Variants in NEXMIF observed in about 807,000 individuals in gnomAD.
The protein encoded by NEXMIF is XLMR protein related to neurite extension.
Under a neutral mutation model 62.1 loss-of-function variants are expected in NEXMIF, and 8 were observed. That is an observed-to-expected ratio of 0.13 (90% CI 0.08 to 0.23). The LOEUF (loss-of-function observed/expected upper bound fraction) is 0.23. Ranked by LOEUF, NEXMIF falls within the 10% of genes least tolerant of loss-of-function variation. NEXMIF has a pLI of 1.00. For missense variants in NEXMIF, 976 were observed against 1,113.3 expected (o/e 0.88, Z 1.75); for synonymous variants, 404 against 416.6 (o/e 0.97, Z 0.37).
chrX:74,874,121 T>A (rs1426600693), intron 1 of NEXMIF, among the ~76,000 whole-genome samples: 1 of 108,316 alleles, frequency 9.2e-6, no homozygotes, highest in Non-Finnish European at 1.9e-5. Flanking sequence ...TTTTTATGGT[T>A]TTAGGTCTAA....
At chrX:74,871,656 G>A (rs2080601433) in intron 1 of NEXMIF, among the ~76,000 whole-genome samples, 1 of 111,146 alleles carries the variant, frequency 9.0e-6, no homozygotes, top group African/African-American at 3.3e-5. Flanking sequence ...GTTACTCCAT[G>A]CTGGGAAAAT....
intron 1 of NEXMIF, among the ~76,000 whole-genome samples, chrX:74,907,834 T>C (rs771411855): frequency 9.0e-6 from 1 of 111,670 alleles, no homozygotes; most frequent in African/African-American, 3.2e-5. Context: ...TCAGGACCAC[T>C]GAACAAACAA....
At chrX:74,811,714 C>T (rs1463538471) in intron 1 of NEXMIF, among the ~76,000 whole-genome samples, 1 of 112,621 alleles carries the variant, frequency 8.9e-6, no homozygotes, top group African/African-American at 3.2e-5. Flanking sequence ...TAGGCTATTA[C>T]ATTCTTTGAA....
intron 1 of NEXMIF, among the ~76,000 whole-genome samples, chrX:74,822,250 T>C (rs542523520): frequency 8.9e-6 from 1 of 111,972 alleles, no homozygotes; most frequent in East Asian, 2.8e-4. Flanking sequence ...GAAGAAAACA[T>C]GGAAGTAAAT....
chrX:74,760,841 G>GATTGATTT (rs941141627), intron 1 of NEXMIF, among the ~76,000 whole-genome samples: 1 of 89,445 alleles, frequency 1.1e-5, no homozygotes, highest in Non-Finnish European at 2.2e-5. Flanking sequence ...TTGGCCCTAA[G>GATTGATTT]ATTTATTTAT....
chrX:74,739,624 T>C lies in NEXMIF; in HGVS notation c.4458-126A>G, dbSNP rs1602210324. 1.6e-5 allele frequency: 7 copies of C among 441,227 alleles called. No individual in the cohort carries two copies. The East Asian group carries it at 3.0e-4, about 19-fold the overall frequency. The allele number at this position is 441,227 out of a possible 1,213,427, so 36.4% of individuals were successfully genotyped here. ...CGTATGATGTAGAAAAAGATACAAA[T>C]AGCATGGGGCACTAGAAAGCCCTCC... On this transcript the variant is annotated intron_variant, in intron 3 of 3. Transcript: ENST00000055682.
At position 74,737,192 on chromosome X, in the gene NEXMIF, A is replaced by T. The variant is rs1317661376; in HGVS notation, c.*2213T>A. On this transcript the variant is annotated 3_prime_UTR_variant, in exon 4 of 4. Coordinates refer to ENST00000055682, the MANE Select transcript of NEXMIF (RefSeq NM_001008537.3). The stretch of plus-strand genomic sequence containing the variant: ...GACTCTGAGGTCTGGAGTCTTGGGG[A>T]TCACAATACAGGCAGAGTTGGTGAT... 1.8e-5 allele frequency: 2 copies of T among 111,727 alleles called. No homozygotes were observed. Among genetic ancestry groups the T allele is most frequent in the Non-Finnish European group, 3.8e-5 (2 of 53,121 alleles). 9.2% of individuals were successfully genotyped at this position (111,727 alleles called of 1,213,427 possible). A position where few individuals can be genotyped will look rare whatever the true frequency, so the allele number is the denominator to read the frequency against.
At chrX:74,771,310 G>A (rs977701889) in intron 1 of NEXMIF, among the ~76,000 whole-genome samples, 2 of 110,792 alleles carry the variant, frequency 1.8e-5, no homozygotes, top group Non-Finnish European at 3.8e-5. Flanking sequence ...CAGCATGAAG[G>A]TGGTGGTGGT....
intron 1 of NEXMIF, among the ~76,000 whole-genome samples, chrX:74,885,379 A>G (rs1023288825): frequency 8.1e-5 from 9 of 111,781 alleles, no homozygotes; most frequent in African/African-American, 6.5e-5. Flanking sequence ...GAAAAGATCA[A>G]CAAAATTGAT....
At chrX:74,921,386 C>G (rs758689210) in intron 1 of NEXMIF, among the ~76,000 whole-genome samples, 138 of 111,887 alleles carry the variant, frequency 1.2e-3, no homozygotes, top group African/African-American at 4.4e-3. Context: ...GATGTACTTA[C>G]AAACAGAGCC....
intron 1 of NEXMIF, among the ~76,000 whole-genome samples, chrX:74,775,718 T>C (rs1159703535): frequency 8.9e-6 from 1 of 111,737 alleles, no homozygotes; most frequent in Non-Finnish European, 1.9e-5. Context: ...TTCAATCCTG[T>C]TGCCTCAGAG....
At chrX:74,822,169 C>T (rs752113879) in intron 1 of NEXMIF, among the ~76,000 whole-genome samples, 4 of 111,625 alleles carry the variant, frequency 3.6e-5, no homozygotes, top group South Asian at 3.7e-4. Flanking sequence ...CCCTTCCTCA[C>T]ACCATACTTA....
chrX:74,749,818 C>T (rs1265475935), intron 1 of NEXMIF, among the ~76,000 whole-genome samples: 1 of 111,637 alleles, frequency 9.0e-6, no homozygotes, highest in Non-Finnish European at 1.9e-5. Context: ...GACTAAGCAC[C>T]AACACCCCCA....
chrX:74,918,200 A>C (rs1344352832), intron 1 of NEXMIF, among the ~76,000 whole-genome samples: 2 of 111,819 alleles, frequency 1.8e-5, no homozygotes, highest in South Asian at 7.5e-4. Flanking sequence ...ACTTCCTGAA[A>C]ATGTATGCAA....
At chrX:74,922,435 T>C (rs186212415) in intron 1 of NEXMIF, among the ~76,000 whole-genome samples, 3 of 112,074 alleles carry the variant, frequency 2.7e-5, no homozygotes, top group African/African-American at 9.7e-5. Context: ...AGACTTGACA[T>C]ATGTCAAATT....
At chrX:74,818,419 T>A (rs1194576113) in intron 1 of NEXMIF, among the ~76,000 whole-genome samples, 2 of 112,028 alleles carry the variant, frequency 1.8e-5, no homozygotes, top group African/African-American at 6.5e-5. Context: ...TGGCTAGCCA[T>A]GTGCAGAAGA....
At chrX:74,789,675 T>C (rs1433859053) in intron 1 of NEXMIF, among the ~76,000 whole-genome samples, 15 of 110,516 alleles carry the variant, frequency 1.4e-4, no homozygotes, top group South Asian at 3.9e-4. Context: ...TTCTAACTGG[T>C]GTGAGATGGT....
intron 1 of NEXMIF, among the ~76,000 whole-genome samples, chrX:74,758,161 G>A (rs1176409510): frequency 9.0e-6 from 1 of 111,058 alleles, no homozygotes; most frequent in Non-Finnish European, 1.9e-5. Context: ...GTCTCTTGGG[G>A]AAGAGGAGAG....
Position 74,733,315 on chromosome X carries a change from C to T in NEXMIF, c.*6090G>A, listed in dbSNP as rs1040441123. 1.8e-5 allele frequency: 2 copies of T among 112,025 alleles called. No homozygotes were observed. The highest frequency in any genetic ancestry group is 2.8e-4 in the East Asian group (1 of 3,588). 9.2% of individuals were successfully genotyped at this position (112,025 alleles called of 1,213,427 possible). A position where few individuals can be genotyped will look rare whatever the true frequency, so the allele number is the denominator to read the frequency against. On this transcript the variant is annotated 3_prime_UTR_variant, in exon 4 of 4. Coordinates refer to ENST00000055682, the MANE Select transcript of NEXMIF (RefSeq NM_001008537.3). ...CTTTCCCCTTATGTTATGTTTATCTCGAAATGTAATTTTACATGTTAAATC... is the reference window on the plus strand; with the variant it reads ...CTTTCCCCTTATGTTATGTTTATCTTGAAATGTAATTTTACATGTTAAATC...
Sources: gnomAD v4.1 joint callset for allele counts (sites outside exome capture counted in the v4.1 genomes callset) on GRCh38, gnomAD v4.1.1 for gene constraint, MANE v1.5 for transcripts, NCBI Gene and HGNC (gene_info 2026-07-23, HGNC 2026-07-21) for gene names.